Variants in PPARA observed in about 807,000 individuals in gnomAD.
PPARA encodes peroxisome proliferator activated receptor alpha.
A neutral mutation model predicts 42.2 loss-of-function variants in PPARA; 22 were observed. That is an observed-to-expected ratio of 0.52 (90% CI 0.37 to 0.74). The LOEUF (loss-of-function observed/expected upper bound fraction) is 0.74, where lower values mean the gene tolerates loss of function less well. Ranked by LOEUF, PPARA falls within the 30% of genes least tolerant of loss-of-function variation. PPARA has a pLI of 0.00. For missense variants in PPARA, 465 were observed against 608.2 expected, an observed-to-expected ratio of 0.76 and a Z score of 2.48; for synonymous variants, 242 against 239.3, an observed-to-expected ratio of 1.01 and a Z score of -0.10.
intron 3 of PPARA, among the ~76,000 whole-genome samples, chr22:46,186,391 C>T (rs909244222): frequency 3.9e-5 from 6 of 152,058 alleles, no homozygotes; most frequent in African/African-American, 9.7e-5. Context: ...GGTGTGGTCC[C>T]GCCTTTGTAG....
At chr22:46,217,873 C>T (rs2147574550) in intron 5 of PPARA, among the ~76,000 whole-genome samples, 2 of 128,790 alleles carry the variant, frequency 1.6e-5, no homozygotes, top group East Asian at 4.5e-4. Flanking sequence ...CTCTGTCGCG[C>T]AGGCTGGAGT....
In PPARA at chr22:46,185,917, ATATATATATATATATATATATATATATAT is replaced by A. The variant is rs1378503295; in HGVS notation, c.-43+9082_-43+9110del. Among the ~76,000 whole-genome samples the A allele has an allele frequency of 5.9e-4, 6 of 10,098 alleles. 1 individual carries two copies. Among genetic ancestry groups the A allele is most frequent in the African/African-American group, 1.3e-3 (4 of 3,142 alleles). The allele number at this position is 10,098 out of a possible 152,430, so 6.6% of individuals were successfully genotyped here. ...CTCCAAAAAAAAAAAAAAAAAAAAA[ATATATATATATATATATATATATATATAT>A]ATATATATATATATATATACACACA... On this transcript the variant is annotated intron_variant, in intron 3 of 8. Transcript: ENST00000407236.
chr22:46,198,414 C>T lies in PPARA; in HGVS notation c.31C>T (p.Leu11Phe). 6.2e-7 allele frequency: 1 copy of T among 1,613,968 alleles called. No individual in the cohort carries two copies. The highest frequency in any genetic ancestry group is 8.5e-7 in the Non-Finnish European group (1 of 1,179,978). ...GGACACGGAAAGCCCACTCTGCCCC[C>T]TCTCCCCACTCGAGGCCGGCGATCT... MVDTESPLCPLSPLEAGDLES... is the reference protein window; with the variant it reads MVDTESPLCPFSPLEAGDLES... Residue 11 changes from leucine to phenylalanine, a missense_variant, in exon 4 of 9, where the codon CTC becomes TTC. Around this residue, in one of 2 missense-constraint regions of PPARA, gnomAD observed 152 missense variants for 139.1 expected, o/e 1.09. Transcript: ENST00000407236.
At chr22:46,181,463 G>A (rs1364199145) in intron 3 of PPARA, among the ~76,000 whole-genome samples, 2 of 152,172 alleles carry the variant, frequency 1.3e-5, no homozygotes, top group Admixed American at 6.5e-5. Flanking sequence ...AGTCTGGAAC[G>A]AAAGTGAGAG....
At position 46,177,021 on chromosome 22, in the gene PPARA, T is replaced by C. The variant is rs145915958; in HGVS notation, c.-43+185T>C. 6.0e-3 allele frequency among the ~76,000 whole-genome samples: 916 copies of C among 152,256 alleles called. 8 individuals carry two copies. The highest frequency in any genetic ancestry group is 0.02 in the African/African-American group (849 of 41,556). ...GTTAGGAGATTGAGACCATCCTGGC[T>C]AACACAGTGAAACCCTGTCTCTACT... On this transcript the variant is annotated intron_variant, in intron 3 of 8. Coordinates refer to ENST00000407236, the MANE Select transcript of PPARA (RefSeq NM_005036.6).
In PPARA at chr22:46,197,016, C is replaced by T. The variant is rs181601216; in HGVS notation, c.-42-1326C>T. Among the ~76,000 whole-genome samples the T allele has an allele frequency of 9.2e-4, 139 of 151,860 alleles. 2 individuals are homozygous for T. The highest frequency in any genetic ancestry group is 2.9e-3 in the African/African-American group (120 of 41,412). On this transcript the variant is annotated intron_variant, in intron 3 of 8. Coordinates refer to ENST00000407236, the MANE Select transcript of PPARA (RefSeq NM_005036.6). ...GATTACAGGCATGAGCCACTGCACC[C>T]GACCCTGTTTTTTGTTTGGTTTTGG...
chr22:46,229,751 A>G (rs1265276681), intron 7 of PPARA, among the ~76,000 whole-genome samples: 1 of 152,172 alleles, frequency 6.6e-6, no homozygotes, highest in African/African-American at 2.4e-5. Context: ...TTGGCTCTGA[A>G]TATTGTATTC....
chr22:46,194,234 A>G (rs1931926932), intron 3 of PPARA, among the ~76,000 whole-genome samples: 1 of 152,214 alleles, frequency 6.6e-6, no homozygotes, highest in Admixed American at 6.5e-5. Context: ...GCCAGAGTTC[A>G]AGACAGTATT....
In PPARA at chr22:46,227,154, T is replaced by TTTTTTTTTTTTTTTTTTTTTTTGAG. The variant is rs1555959736; in HGVS notation, c.712-4638_712-4637insTTTTTTTTTTTTTTTTTTTTTTGAG. 1.3e-5 allele frequency among the ~76,000 whole-genome samples: 2 copies of TTTTTTTTTTTTTTTTTTTTTTTGAG among 151,478 alleles called. No homozygotes were observed. Among genetic ancestry groups the TTTTTTTTTTTTTTTTTTTTTTTGAG allele is most frequent in the Non-Finnish European group, 2.9e-5 (2 of 67,944 alleles). On this transcript the variant is annotated intron_variant, in intron 7 of 8. Transcript: ENST00000407236. This position sits in a 1 kb window ranked among gnomAD's most constrained non-coding sequence, Gnocchi z 4.3. ...AGATTAAAAAATGTGCTTCATATTT[T>TTTTTTTTTTTTTTTTTTTTTTTGAG]ATGCCATTTCTACAAATGTATAGTA...
rs965109270 is a variant in PPARA, at chr22:46,224,205, G to A, written c.711+4191G>A. Among the ~76,000 whole-genome samples the A allele has an allele frequency of 2.0e-5, 3 of 152,158 alleles. No homozygotes were observed. The highest frequency in any genetic ancestry group is 4.4e-5 in the Non-Finnish European group (3 of 68,032). On this transcript the variant is annotated intron_variant, in intron 7 of 8. Coordinates refer to ENST00000407236, the MANE Select transcript of PPARA (RefSeq NM_005036.6). This position sits in a 1 kb window ranked among gnomAD's most constrained non-coding sequence, Gnocchi z 5.7. The stretch of plus-strand genomic sequence containing the variant: ...CCACCCCATGTCCTTGTCTGCGCAC[G>A]GGACGCTGGAGGCACGGCCCCCTCC...
At chr22:46,199,205 A>C (rs1233523924) in intron 4 of PPARA, among the ~76,000 whole-genome samples, 1 of 152,126 alleles carries the variant, frequency 6.6e-6, no homozygotes, top group African/African-American at 2.4e-5. Flanking sequence ...TTTTAAGAGG[A>C]GACGTGTGCA....
At chr22:46,215,438 G>T (rs886917948) in intron 5 of PPARA, 105 bp downstream of exon 5, 2 of 1,486,658 alleles carry the variant, frequency 1.3e-6, no homozygotes, top group Non-Finnish European at 9.3e-7. Context: ...GAAAGTCCCG[G>T]ATAAGAAACT....
chr22:46,205,212 G>T (rs1242441699), intron 4 of PPARA, among the ~76,000 whole-genome samples: 2 of 150,618 alleles, frequency 1.3e-5, no homozygotes, highest in East Asian at 3.9e-4. Context: ...TTTTTTTATG[G>T]ATACTTCATT....
intron 7 of PPARA, 84 bp downstream of exon 7, chr22:46,220,098 G>T: frequency 6.9e-7 from 1 of 1,455,780 alleles, no homozygotes; most frequent in Non-Finnish European, 9.5e-7. Flanking sequence ...TGTGTTGAAT[G>T]TTGAGAAAAT....
rs1926347731 is a variant in PPARA, at chr22:46,162,491, G to C, written c.-127+10521G>C. 6.6e-6 allele frequency among the ~76,000 whole-genome samples: 1 copy of C among 152,200 alleles called. No individual in the cohort carries two copies. Among genetic ancestry groups the C allele is most frequent in the African/African-American group, 2.4e-5 (1 of 41,438 alleles). ...CAGCTTAAACTCACTCTTAGGGAAG[G>C]CTCCCTGAACCACCTGCTGGGGTTG... is the stretch of plus-strand genomic sequence containing the variant. On this transcript the variant is annotated intron_variant, in intron 2 of 8. Coordinates refer to ENST00000407236, the MANE Select transcript of PPARA (RefSeq NM_005036.6). This position sits in a 1 kb window ranked among gnomAD's most constrained non-coding sequence, Gnocchi z 6.0.
rs1165771227 is a variant in PPARA, at chr22:46,211,644, A to G, written c.209-3529A>G. ...ACTATAAAGTTCTGTGGGTTTTCAC[A>G]AATGCGTAGTGTCATGTATCCACCA... On this transcript the variant is annotated intron_variant, in intron 4 of 8. Transcript: ENST00000407236. The surrounding 1 kb of genome is among the most constrained non-coding windows in gnomAD (Gnocchi z 4.1). Among the ~76,000 whole-genome samples, 1 of 152,178 alleles carries G rather than the reference A, an allele frequency of 6.6e-6. No individual in the cohort carries two copies. Among genetic ancestry groups the G allele is most frequent in the Non-Finnish European group, 1.5e-5 (1 of 68,042 alleles).
chr22:46,217,067 A>T (rs1190663750), intron 5 of PPARA, among the ~76,000 whole-genome samples: 1 of 152,206 alleles, frequency 6.6e-6, no homozygotes, highest in Non-Finnish European at 1.5e-5. Context: ...CCTGGGCCAC[A>T]GGGAGAACCT....
chr22:46,203,295 C>T lies in PPARA; in HGVS notation c.208+4704C>T, dbSNP rs763311491. On this transcript the variant is annotated intron_variant, in intron 4 of 8. Transcript: ENST00000407236. The surrounding 1 kb of genome is among the most constrained non-coding windows in gnomAD (Gnocchi z 5.8). ...TATTCCTAGTTATGTAGACTGGTCT[C>T]TCAGAAGAGCCGGATATTAAATGCA... Among the ~76,000 whole-genome samples the T allele has an allele frequency of 6.6e-6, 1 of 152,166 alleles. No individual in the cohort carries two copies. The highest frequency in any genetic ancestry group is 1.5e-5 in the Non-Finnish European group (1 of 68,028).
At chr22:46,175,357 A>G (rs1315423981) in intron 2 of PPARA, among the ~76,000 whole-genome samples, 1 of 151,924 alleles carries the variant, frequency 6.6e-6, no homozygotes, top group Non-Finnish European at 1.5e-5. Flanking sequence ...CTTCTCTCCT[A>G]CCTTCCCATC....
Sources: allele counts gnomAD v4.1 joint callset (sites outside exome capture counted in the v4.1 genomes callset), GRCh38; gene constraint gnomAD v4.1.1; regional missense constraint gnomAD v4.1.1; non-coding constraint Gnocchi (gnomAD v3.1); transcripts MANE v1.5; gene names NCBI Gene and HGNC (gene_info 2026-07-23, HGNC 2026-07-21).